USP34: variants seen among roughly 807,000 people sequenced by gnomAD.
USP34 encodes ubiquitin specific peptidase 34.
USP34 carries 70 observed loss-of-function variants against 460.3 expected under a neutral mutation model. That is an observed-to-expected ratio of 0.15 (90% confidence interval 0.13 to 0.19). The LOEUF is 0.19. USP34 is among the 10% of genes least tolerant of loss of function. The probability of loss-of-function intolerance (pLI) is 1.00; values close to 1 mark genes in which losing one functional copy is unlikely to be tolerated. For missense variants in USP34, 3,985 were observed against 4,236.2 expected (o/e 0.94, Z 1.65); for synonymous variants, 1,647 against 1,405.3 (o/e 1.17, Z -3.85).
chr2:61,463,238 G>T (rs889903557), intron 1 of USP34, among the ~76,000 whole-genome samples: 2 of 151,242 alleles, frequency 1.3e-5, no homozygotes, highest in Non-Finnish European at 2.9e-5. Flanking sequence ...TGAGGCAGGA[G>T]CATCACTTGA....
At chr2:61,340,338 TTAC>T (rs1691553256) in intron 16 of USP34, among the ~76,000 whole-genome samples, 1 of 152,198 alleles carries the variant, frequency 6.6e-6, no homozygotes, top group Admixed American at 6.5e-5. Context: ...GTTTCTAGTT[TTAC>T]GCTATTATTA....
At chr2:61,267,683 G>T (rs895048272) in intron 41 of USP34, among the ~76,000 whole-genome samples, 4 of 151,934 alleles carry the variant, frequency 2.6e-5, no homozygotes, top group Non-Finnish European at 5.9e-5. Context: ...GCGCCATCTC[G>T]GCTCACCCCA....
chr2:61,345,788 C>A (rs970549150), intron 15 of USP34, among the ~76,000 whole-genome samples: 2 of 152,098 alleles, frequency 1.3e-5, no homozygotes, highest in Admixed American at 6.6e-5. Context: ...GTGTGTGATA[C>A]CATGCCTGGC....
At chr2:61,220,170 A>AGG in intron 67 of USP34, 140 bp downstream of exon 67, 2 of 449,578 alleles carry the variant, frequency 4.4e-6, no homozygotes, top group Non-Finnish European at 6.8e-6. Flanking sequence ...AAAAAAAAAA[A>AGG]AAAAAAAAAA....
chr2:61,302,751 C>T (rs1406674088), intron 27 of USP34, among the ~76,000 whole-genome samples: 5 of 152,122 alleles, frequency 3.3e-5, no homozygotes, highest in East Asian at 1.9e-4. Context: ...ACAGCTAGTA[C>T]GGAAGTTCAA....
chr2:61,244,009 A>G (rs1468081963), intron 51 of USP34, among the ~76,000 whole-genome samples: 4 of 152,084 alleles, frequency 2.6e-5, no homozygotes, highest in Non-Finnish European at 5.9e-5. Flanking sequence ...TTCTTTTTCC[A>G]TTCAGCAGAG....
At chr2:61,314,471 T>C (rs1690683768) in intron 25 of USP34, 114 bp downstream of exon 25, 1 of 940,090 alleles carries the variant, frequency 1.1e-6, no homozygotes. Context: ...CTTTGGTAAA[T>C]TATGCTTTCT....
intron 18 of USP34, among the ~76,000 whole-genome samples, chr2:61,336,038 T>C (rs78378468): frequency 4.8e-4 from 73 of 152,276 alleles, no homozygotes; most frequent in African/African-American, 1.6e-3. Context: ...TTCTACAAAA[T>C]AGTCATTTAA....
chr2:61,455,087 G>A (rs1227732712), intron 1 of USP34, among the ~76,000 whole-genome samples: 1 of 151,796 alleles, frequency 6.6e-6, no homozygotes, highest in African/African-American at 2.4e-5. Flanking sequence ...TCACCATGTT[G>A]GCCAGTCTGG....
chr2:61,455,486 A>C (rs1026946118), intron 1 of USP34, among the ~76,000 whole-genome samples: 1 of 152,102 alleles, frequency 6.6e-6, no homozygotes, highest in South Asian at 2.1e-4. Context: ...TCAATCACTC[A>C]AAGATAGCCA....
chr2:61,277,981 C>G (rs1438605654), intron 41 of USP34, 184 bp downstream of exon 41: 1 of 737,316 alleles, frequency 1.4e-6, no homozygotes, highest in Non-Finnish European at 2.1e-6. Flanking sequence ...ACTTGCCTTC[C>G]GGCACGATTG....
At chr2:61,400,363 C>T (rs1465282612) in intron 3 of USP34, among the ~76,000 whole-genome samples, 2 of 152,184 alleles carry the variant, frequency 1.3e-5, no homozygotes, top group South Asian at 2.1e-4. Context: ...CCCGCCTCGG[C>T]CTCCCAAAGT....
intron 10 of USP34, among the ~76,000 whole-genome samples, chr2:61,357,924 C>T (rs1049191770): frequency 2.6e-5 from 4 of 152,108 alleles, no homozygotes; most frequent in African/African-American, 9.7e-5. Context: ...GGCGTGGTGG[C>T]TCACGTCTGT....
chr2:61,232,660 T>C, intron 57 of USP34, 128 bp from the exon 58 acceptor site: 1 of 765,460 alleles, frequency 1.3e-6, no homozygotes, highest in Non-Finnish European at 2.1e-6. Context: ...GAAAAGTTTC[T>C]CTAATTGTCA....
intron 53 of USP34, among the ~76,000 whole-genome samples, chr2:61,240,328 T>G (rs1688215942): frequency 6.6e-6 from 1 of 152,198 alleles, no homozygotes. Flanking sequence ...CTCACTCTGT[T>G]GCCCAGGATG....
At chr2:61,339,280 G>A (rs1219752840) in intron 18 of USP34, 71 bp downstream of exon 18, 13 of 1,462,662 alleles carry the variant, frequency 8.9e-6, no homozygotes, top group African/African-American at 2.8e-5. Flanking sequence ...ATCACACCTA[G>A]TCAACAAGAA....
chr2:61,239,995 A>T (rs1243175834), intron 53 of USP34, among the ~76,000 whole-genome samples: 1 of 135,626 alleles, frequency 7.4e-6, no homozygotes, highest in Non-Finnish European at 1.6e-5. Flanking sequence ...TGGGCGACAG[A>T]GCGAGACTCC....
At chr2:61,190,118 TA>T in intron 78 of USP34, 152 bp downstream of exon 78, 1 of 958,954 alleles carries the variant, frequency 1.0e-6, no homozygotes. Flanking sequence ...CAAGGCATAG[TA>T]AACGTGTATT....
At chr2:61,457,577 A>C (rs564127675) in intron 1 of USP34, among the ~76,000 whole-genome samples, 2 of 152,338 alleles carry the variant, frequency 1.3e-5, no homozygotes, top group African/African-American at 4.8e-5. Context: ...ACGAACTAGT[A>C]AAGTGTTGTG....
Sources: gnomAD v4.1 joint callset for allele counts (sites outside exome capture counted in the v4.1 genomes callset) on GRCh38, gnomAD v4.1.1 for gene constraint, MANE v1.5 for transcripts, NCBI Gene and HGNC (gene_info 2026-07-23, HGNC 2026-07-21) for gene names.